Variants in NOL4 observed in about 807,000 individuals in gnomAD.
NOL4 encodes the protein cancer/testis antigen 125.
In NOL4, 17 loss-of-function variants were observed where a neutral mutation model predicts 75.9. That is an observed-to-expected ratio of 0.22 (90% confidence interval 0.15 to 0.34). The LOEUF is 0.34. Ranked by LOEUF, NOL4 falls within the 10% of genes least tolerant of loss-of-function variation. The probability of loss-of-function intolerance (pLI) is 1.00; values close to 1 mark genes in which losing one functional copy is unlikely to be tolerated. For missense variants in NOL4, 614 were observed against 793.5 expected (o/e 0.77, Z 2.72); for synonymous variants, 292 against 289.9 (o/e 1.01, Z -0.07).
At chr18:34,052,639 GA>G (rs1335529651) in intron 5 of NOL4, among the ~76,000 whole-genome samples, 4 of 152,126 alleles carry the variant, frequency 2.6e-5, no homozygotes, top group African/African-American at 7.2e-5. Context: ...GGAATAGACA[GA>G]AAAATAAGAT....
intron 1 of NOL4, among the ~76,000 whole-genome samples, chr18:34,139,045 T>C (rs1197002611): frequency 6.6e-6 from 1 of 152,230 alleles, no homozygotes; most frequent in African/African-American, 2.4e-5. Context: ...TTATGGTGGA[T>C]AAGCTTTTTG....
At chr18:34,042,499 A>G (rs1000957394) in intron 5 of NOL4, among the ~76,000 whole-genome samples, 1 of 152,072 alleles carries the variant, frequency 6.6e-6, no homozygotes, top group Non-Finnish European at 1.5e-5. Context: ...CAAAAGTTTA[A>G]GTAAAGTGTA....
chr18:33,944,685 T>G (rs1057081551), intron 8 of NOL4, among the ~76,000 whole-genome samples: 1 of 151,754 alleles, frequency 6.6e-6, no homozygotes, highest in Non-Finnish European at 1.5e-5. Flanking sequence ...AGGAAAAAAA[T>G]GCAATATAAG....
At chr18:33,935,318 G>A (rs998658707) in intron 9 of NOL4, among the ~76,000 whole-genome samples, 1 of 152,080 alleles carries the variant, frequency 6.6e-6, no homozygotes, top group Non-Finnish European at 1.5e-5. Flanking sequence ...TTTAAAGTCA[G>A]ATACATGAGA....
chr18:34,158,216 G>A (rs920159778), intron 1 of NOL4, among the ~76,000 whole-genome samples: 1 of 152,040 alleles, frequency 6.6e-6, no homozygotes, highest in African/African-American at 2.4e-5. Context: ...TGAGAGCAAG[G>A]GGTTGTGACC....
rs561079220 is a variant in NOL4 at position 33,907,505 on chromosome 18, C to T, written c.1543-24081G>A. On this transcript the variant is annotated intron_variant, in intron 9 of 10. Coordinates refer to ENST00000261592, the MANE Select transcript of NOL4 (RefSeq NM_003787.5). ...TAATCTAAGGATAATATTTATGTTA[C>T]AGTCTATTATCTATAAAAATATTAC... Among the ~76,000 whole-genome samples the T allele has an allele frequency of 2.6e-5, 4 of 152,116 alleles. No individual in the cohort carries two copies. In the South Asian group the frequency reaches 8.3e-4, roughly 32 times the overall value.
At chr18:33,914,798 T>C (rs1311160578) in intron 9 of NOL4, among the ~76,000 whole-genome samples, 1 of 152,102 alleles carries the variant, frequency 6.6e-6, no homozygotes, top group Non-Finnish European at 1.5e-5. Context: ...GTTGATATTG[T>C]GAGGTCTGTT....
At chr18:33,887,050 AAT>A (rs1208700420) in intron 9 of NOL4, among the ~76,000 whole-genome samples, 1 of 136,588 alleles carries the variant, frequency 7.3e-6, no homozygotes, top group Non-Finnish European at 1.5e-5. Context: ...ATCTAGATCT[AAT>A]ATATATCTAT....
chr18:33,923,477 T>C (rs2067156272), intron 9 of NOL4, among the ~76,000 whole-genome samples: 1 of 152,050 alleles, frequency 6.6e-6, no homozygotes, highest in East Asian at 1.9e-4. Context: ...TAAAAGATTA[T>C]TTCATAATGA....
In NOL4 at chr18:33,937,629, T is replaced by G. The variant is rs73414372; in HGVS notation, c.1542+5436A>C. On this transcript the variant is annotated intron_variant, in intron 9 of 10. Coordinates refer to ENST00000261592, the MANE Select transcript of NOL4 (RefSeq NM_003787.5). ...TGCTAACATGCAAAAGAACTCTGGC[T>G]CTCTCTAGTTGGGCAAAGAGGGGTT... Among the ~76,000 whole-genome samples, 1,149 of 152,174 alleles carry G rather than the reference T, an allele frequency of 7.6e-3. 11 individuals carry two copies. Among genetic ancestry groups the G allele is most frequent in the African/African-American group, 0.025 (1,055 of 41,542 alleles).
chr18:33,962,370 C>A, intron 6 of NOL4, among the ~76,000 whole-genome samples: 1 of 152,164 alleles, frequency 6.6e-6, no homozygotes. Context: ...TAGATGGCCC[C>A]AGCCAAATGA....
chr18:33,905,837 G>A (rs943188696), intron 9 of NOL4, among the ~76,000 whole-genome samples: 1 of 152,186 alleles, frequency 6.6e-6, no homozygotes, highest in Non-Finnish European at 1.5e-5. Flanking sequence ...TCCTTAGCCA[G>A]GTCAAATGGT....
At chr18:34,163,733 A>C (rs2031891644) in intron 1 of NOL4, among the ~76,000 whole-genome samples, 1 of 152,174 alleles carries the variant, frequency 6.6e-6, no homozygotes, top group African/African-American at 2.4e-5. Flanking sequence ...AGAACTGGAA[A>C]AAACTACTTT....
chr18:34,019,335 T>C lies in NOL4; in HGVS notation c.1039A>G (p.Arg347Gly). Residue 347 changes from arginine to glycine, a missense_variant, in exon 6 of 11, where the codon AGA (arginine) becomes GGA (glycine). Arg to Gly is a moderately radical substitution (Grantham distance 125). Coordinates refer to ENST00000261592, the MANE Select transcript of NOL4 (RefSeq NM_003787.5). The part of the protein sequence containing the change: ...ISDLKMEREA[R>G]ENGSKSPAHS... ...GATCATACCTTGCTTCCATTTTCTC[T>C]CGCCTCTCGTTCCATCTTGAGGTCA... is the stretch of plus-strand genomic sequence containing the variant. The C allele has an allele frequency of 6.2e-7, 1 of 1,613,310 alleles. No homozygotes were observed. Among genetic ancestry groups the C allele is most frequent in the Non-Finnish European group, 8.5e-7 (1 of 1,179,334 alleles).
intron 9 of NOL4, among the ~76,000 whole-genome samples, chr18:33,918,791 A>G (rs972123583): frequency 6.6e-6 from 1 of 152,180 alleles, no homozygotes; most frequent in Non-Finnish European, 1.5e-5. Context: ...TCCTCTAGGG[A>G]CCAAGCGAAA....
At chr18:34,212,750 C>T (rs1037112925) in intron 1 of NOL4, among the ~76,000 whole-genome samples, 5 of 152,132 alleles carry the variant, frequency 3.3e-5, no homozygotes, top group Non-Finnish European at 7.3e-5. Flanking sequence ...TTATTGTGCT[C>T]GTTGTCAGCC....
intron 1 of NOL4, among the ~76,000 whole-genome samples, chr18:34,221,852 G>C (rs536204756): frequency 5.2e-4 from 79 of 152,136 alleles, no homozygotes; most frequent in African/African-American, 1.8e-3. Flanking sequence ...AGATAGAATA[G>C]CTTTCAAAGC....
Position 33,958,430 on chromosome 18 carries a change from A to G in NOL4, c.1057-12T>C. On this transcript the variant is annotated splice_polypyrimidine_tract_variant and intron_variant, in intron 6 of 10. Coordinates refer to ENST00000261592, the MANE Select transcript of NOL4 (RefSeq NM_003787.5). ...CTATGTGCAGGAGACTGAAAAGAGA[A>G]GGTGAAATAACTGCTTTTAAATTCA... The G allele has an allele frequency of 1.3e-6, 2 of 1,585,276 alleles. No individual in the cohort carries two copies. Among genetic ancestry groups the G allele is most frequent in the Middle Eastern group, 3.4e-4 (2 of 5,916 alleles).
At chr18:34,025,490 GA>G (rs2075294827) in intron 5 of NOL4, among the ~76,000 whole-genome samples, 2 of 152,236 alleles carry the variant, frequency 1.3e-5, no homozygotes, top group South Asian at 4.1e-4. Flanking sequence ...ATCACCCTGG[GA>G]AGAATTGTCA....
Sources: allele counts gnomAD v4.1 joint callset (sites outside exome capture counted in the v4.1 genomes callset), GRCh38; gene constraint gnomAD v4.1.1; transcripts MANE v1.5; gene names NCBI Gene and HGNC (gene_info 2026-07-23, HGNC 2026-07-21).